The following FLRT2 variants were observed in gnomAD, a reference collection of about 807,000 sequenced individuals.
FLRT2 encodes fibronectin leucine rich transmembrane protein 2, also known as leucine-rich repeat transmembrane protein FLRT2.
A neutral mutation model predicts 40.0 loss-of-function variants in FLRT2; 15 were observed. The ratio of observed to expected loss-of-function variants is 0.38; its 90% CI spans 0.25 to 0.58. The LOEUF is 0.58. Ranked by LOEUF, FLRT2 falls within the 20% of genes least tolerant of loss-of-function variation. FLRT2 has a pLI of 0.71. For missense variants in FLRT2, 726 were observed against 840.0 expected (o/e 0.86, Z 1.68); for synonymous variants, 380 against 336.8 (o/e 1.13, Z -1.41).
At position 85,637,683 on chromosome 14, in the gene FLRT2, G is replaced by C. The variant is rs1244641432; in HGVS notation, c.*14186G>C. On this transcript the variant is annotated 3_prime_UTR_variant, in exon 2 of 2. Transcript: ENST00000330753. Reference sequence around the variant, plus strand: ...GTGATCAGGAGTGATGTAGCTTTGAGGGTGGACCCACCATTCCTGCCATAT... The same window carrying C: ...GTGATCAGGAGTGATGTAGCTTTGACGGTGGACCCACCATTCCTGCCATAT... The C allele has an allele frequency of 6.6e-6, 1 of 152,178 alleles. No homozygotes were observed. The highest frequency in any genetic ancestry group is 1.5e-5 in the Non-Finnish European group (1 of 68,022). 9.4% of individuals were successfully genotyped at this position (152,178 alleles called of 1,614,324 possible).
rs1894226621 is a variant in FLRT2, at chr14:85,643,833, A to G, written c.*20336A>G. On this transcript the variant is annotated 3_prime_UTR_variant, in exon 2 of 2. Coordinates refer to ENST00000330753, the MANE Select transcript of FLRT2 (RefSeq NM_013231.6). Reference sequence around the variant, plus strand: ...GTGGAATCCTGGAGTGACAGAGAACAAACGACAACATTTAGTCCAGTTGCA... The same window carrying G: ...GTGGAATCCTGGAGTGACAGAGAACGAACGACAACATTTAGTCCAGTTGCA... 6.6e-6 allele frequency: 1 copy of G among 152,224 alleles called. No homozygotes were observed. Among genetic ancestry groups the G allele is most frequent in the Admixed American group, 6.5e-5 (1 of 15,286 alleles). 9.4% of individuals were successfully genotyped at this position (152,224 alleles called of 1,614,324 possible).
At chr14:85,546,661 C>T (rs1950567942) in intron 1 of FLRT2, among the ~76,000 whole-genome samples, 1 of 152,196 alleles carries the variant, frequency 6.6e-6, no homozygotes, top group African/African-American at 2.4e-5. Context: ...TGATCAGGCC[C>T]TATAAAGGAA....
In FLRT2 at chr14:85,642,092, G is replaced by A. The variant is rs866802707; in HGVS notation, c.*18595G>A. On this transcript the variant is annotated 3_prime_UTR_variant, in exon 2 of 2. Transcript: ENST00000330753. Reference sequence around the variant, plus strand: ...CCAAGGAGCATCTATGATTATCTCCGACACTATTTTATTTCTTACAGTTTC... The same window carrying A: ...CCAAGGAGCATCTATGATTATCTCCAACACTATTTTATTTCTTACAGTTTC... 1 of 133,720 alleles carries A rather than the reference G, an allele frequency of 7.5e-6. No homozygotes were observed. The highest frequency in any genetic ancestry group is 2.9e-5 in the African/African-American group (1 of 35,052). The allele number at this position is 133,720 out of a possible 1,614,324, so 8.3% of individuals were successfully genotyped here.
In FLRT2 at chr14:85,642,226, T is replaced by C. The variant is rs1894166974; in HGVS notation, c.*18729T>C. The C allele has an allele frequency of 6.6e-6, 1 of 151,348 alleles. No homozygotes were observed. The highest frequency in any genetic ancestry group is 2.4e-5 in the African/African-American group (1 of 41,238). The allele number at this position is 151,348 out of a possible 1,614,324, so 9.4% of individuals were successfully genotyped here. ...TAATTTCAGTTGAATCACACCCTCATCAGGTCTTCTCTGTGAAAATTAGGG... is the reference window on the plus strand; with the variant it reads ...TAATTTCAGTTGAATCACACCCTCACCAGGTCTTCTCTGTGAAAATTAGGG... On this transcript the variant is annotated 3_prime_UTR_variant, in exon 2 of 2. Transcript: ENST00000330753.
In FLRT2 at chr14:85,639,719, A is replaced by G. The variant is rs1894101355; in HGVS notation, c.*16222A>G. Reference sequence around the variant, plus strand: ...GGAAACACTGAAGCCCCCAGAAAGGACTGGCTAAGCTCTTACAATAAGTGA... The same window carrying G: ...GGAAACACTGAAGCCCCCAGAAAGGGCTGGCTAAGCTCTTACAATAAGTGA... On this transcript the variant is annotated 3_prime_UTR_variant, in exon 2 of 2. Transcript: ENST00000330753. 6.6e-6 allele frequency: 1 copy of G among 152,180 alleles called. No individual in the cohort carries two copies. The highest frequency in any genetic ancestry group is 2.4e-5 in the African/African-American group (1 of 41,426). The allele number at this position is 152,180 out of a possible 1,614,324, so 9.4% of individuals were successfully genotyped here.
Position 85,640,370 on chromosome 14 carries a change from T to C in FLRT2, c.*16873T>C, listed in dbSNP as rs1044395693. The stretch of plus-strand genomic sequence containing the variant: ...CTGACTACATCTAGAATCATGCAAT[T>C]ATTAGTTTTTAATAAAGATCGTGAC... On this transcript the variant is annotated 3_prime_UTR_variant, in exon 2 of 2. Coordinates refer to ENST00000330753, the MANE Select transcript of FLRT2 (RefSeq NM_013231.6). 2.6e-5 allele frequency: 4 copies of C among 152,158 alleles called. No homozygotes were observed. Among genetic ancestry groups the C allele is most frequent in the Non-Finnish European group, 5.9e-5 (4 of 68,036 alleles). 9.4% of individuals were successfully genotyped at this position (152,158 alleles called of 1,614,324 possible). A position where few individuals can be genotyped will look rare whatever the true frequency, so the allele number is the denominator to read the frequency against.
chr14:85,598,013 C>A (rs996093284), intron 1 of FLRT2, among the ~76,000 whole-genome samples: 1 of 152,172 alleles, frequency 6.6e-6, no homozygotes, highest in Non-Finnish European at 1.5e-5. Flanking sequence ...TTTTCAAACT[C>A]TTTTTCTTAT....
At chr14:85,540,868 AT>A (rs1888947484) in intron 1 of FLRT2, among the ~76,000 whole-genome samples, 1 of 152,166 alleles carries the variant, frequency 6.6e-6, no homozygotes, top group Non-Finnish European at 1.5e-5. Context: ...ATGATATAAT[AT>A]TTGAAGAGAG....
At chr14:85,612,061 C>T (rs1387581836) in intron 1 of FLRT2, among the ~76,000 whole-genome samples, 1,151 of 61,970 alleles carry the variant, frequency 0.019, no homozygotes, top group Non-Finnish European at 0.023. Flanking sequence ...ACTTACTTTT[C>T]AAAAAAAAAA....
rs1056017226 is a variant in FLRT2, at chr14:85,643,554, G to A, written c.*20057G>A. 7.9e-5 allele frequency: 12 copies of A among 151,698 alleles called. No individual in the cohort carries two copies. Among genetic ancestry groups the A allele is most frequent in the African/African-American group, 2.9e-4 (12 of 41,206 alleles). The allele number at this position is 151,698 out of a possible 1,614,324, so 9.4% of individuals were successfully genotyped here. A position where few individuals can be genotyped will look rare whatever the true frequency, so the allele number is the denominator to read the frequency against. ...ACTACAGGCGTGCACCACCACACCT[G>A]ACTAATTTTTGTGTTTTTAGTAGAG... On this transcript the variant is annotated 3_prime_UTR_variant, in exon 2 of 2. Transcript: ENST00000330753.
intron 1 of FLRT2, among the ~76,000 whole-genome samples, chr14:85,556,255 A>G (rs1005749579): frequency 3.3e-5 from 5 of 152,336 alleles, no homozygotes; most frequent in African/African-American, 7.2e-5. Flanking sequence ...GGGTATATGC[A>G]TGGCACAGTA....
intron 1 of FLRT2, among the ~76,000 whole-genome samples, chr14:85,573,567 T>C (rs2139864662): frequency 6.6e-6 from 1 of 152,284 alleles, no homozygotes; most frequent in Non-Finnish European, 1.5e-5. Context: ...TGGAAAAATG[T>C]CTCAGCTCCT....
Position 85,633,711 on chromosome 14 carries a change from G to C in FLRT2, c.*10214G>C, listed in dbSNP as rs922222533. 4 of 151,600 alleles carry C rather than the reference G, an allele frequency of 2.6e-5. No homozygotes were observed. Among genetic ancestry groups the C allele is most frequent in the African/African-American group, 9.7e-5 (4 of 41,242 alleles). The allele number at this position is 151,600 out of a possible 1,614,324, so 9.4% of individuals were successfully genotyped here. A position where few individuals can be genotyped will look rare whatever the true frequency, so the allele number is the denominator to read the frequency against. Reference sequence around the variant, plus strand: ...GCTACTTGGGAGGTTGAAGCAGGAGGGTCACTTGAGCCCAGGAGATCAAGA... The same window carrying C: ...GCTACTTGGGAGGTTGAAGCAGGAGCGTCACTTGAGCCCAGGAGATCAAGA... On this transcript the variant is annotated 3_prime_UTR_variant, in exon 2 of 2. Transcript: ENST00000330753.
chr14:85,605,071 G>A (rs1189522755), intron 1 of FLRT2, among the ~76,000 whole-genome samples: 1 of 152,170 alleles, frequency 6.6e-6, no homozygotes, highest in Non-Finnish European at 1.5e-5. Context: ...GGGTATGGAA[G>A]ACTTTAACTG....
Position 85,579,948 on chromosome 14 carries a change from T to TA in FLRT2, c.-376-41188dup, listed in dbSNP as rs1555367931. On this transcript the variant is annotated intron_variant, in intron 1 of 1. Coordinates refer to ENST00000330753, the MANE Select transcript of FLRT2 (RefSeq NM_013231.6). The stretch of plus-strand genomic sequence containing the variant: ...GAATTTTTTTTTTTTTTTTTTTTTT[T>TA]AAATAAGTGGTTATCCAAAGGGGTT... 2.7e-5 allele frequency among the ~76,000 whole-genome samples: 4 copies of TA among 149,864 alleles called. 1 individual carries two copies. In the South Asian group the frequency reaches 6.4e-4, roughly 24 times the overall value.
chr14:85,639,847 T>TTA lies in FLRT2; in HGVS notation c.*16351_*16352insAT, dbSNP rs1162921710. The stretch of plus-strand genomic sequence containing the variant: ...AGCAGAAATTCTTTATTTTTTTTTT[T>TTA]TTCCTTTTTTTTTTTTTTTGAGACA... On this transcript the variant is annotated 3_prime_UTR_variant, in exon 2 of 2. Coordinates refer to ENST00000330753, the MANE Select transcript of FLRT2 (RefSeq NM_013231.6). The TTA allele has an allele frequency of 4.0e-5, 4 of 100,536 alleles. No individual in the cohort carries two copies. Among genetic ancestry groups the TTA allele is most frequent in the African/African-American group, 1.7e-4 (4 of 24,172 alleles). The allele number at this position is 100,536 out of a possible 1,614,324, so 6.2% of individuals were successfully genotyped here.
At chr14:85,587,035 T>C (rs1397363585) in intron 1 of FLRT2, among the ~76,000 whole-genome samples, 1 of 152,154 alleles carries the variant, frequency 6.6e-6, no homozygotes, top group Non-Finnish European at 1.5e-5. Flanking sequence ...CACAATTATA[T>C]ATTACTTTCT....
At chr14:85,612,061 CAAAAA>C (rs11298272) in intron 1 of FLRT2, among the ~76,000 whole-genome samples, 1 of 62,294 alleles carries the variant, frequency 1.6e-5, no homozygotes, top group African/African-American at 5.8e-5. Flanking sequence ...ACTTACTTTT[CAAAAA>C]AAAAAAAAAA....
rs1357697939 is a variant in FLRT2, at chr14:85,622,434, C to G, written c.920C>G (p.Ala307Gly). ...DNLSNLKQLTARNNPWFCDCS... is the reference protein window; with the variant it reads ...DNLSNLKQLTGRNNPWFCDCS... Reference sequence around the variant, plus strand: ...CTCTCCAACCTGAAGCAGCTCACTGCTCGGAATAACCCTTGGTTTTGTGAC... The same window carrying G: ...CTCTCCAACCTGAAGCAGCTCACTGGTCGGAATAACCCTTGGTTTTGTGAC... The change falls in exon 2 of 2, where the codon GCT becomes GGT. Residue 307 changes from alanine to glycine, a missense_variant. Ala to Gly is a moderately conservative substitution (Grantham distance 60). This residue lies in a region of FLRT2 where 611 missense variants were observed against 690.0 expected (regional missense o/e 0.89). Coordinates refer to ENST00000330753, the MANE Select transcript of FLRT2 (RefSeq NM_013231.6). The G allele has an allele frequency of 1.2e-6, 2 of 1,614,142 alleles. No homozygotes were observed. The highest frequency in any genetic ancestry group is 1.7e-6 in the Non-Finnish European group (2 of 1,180,018).
Sources: gnomAD v4.1 joint callset for allele counts (sites outside exome capture counted in the v4.1 genomes callset) on GRCh38, gnomAD v4.1.1 for gene constraint, gnomAD v4.1.1 regional missense constraint, MANE v1.5 for transcripts, NCBI Gene and HGNC (gene_info 2026-07-23, HGNC 2026-07-21) for gene names.